Variants in NRG2 observed in about 807,000 individuals in gnomAD.
The protein encoded by NRG2 is neuregulin 2, also known as pro-neuregulin-2, membrane-bound isoform.
In NRG2, 27 loss-of-function variants were observed where a neutral mutation model predicts 73.9. The ratio of observed to expected loss-of-function variants is 0.37; its 90% CI spans 0.27 to 0.50. The LOEUF (loss-of-function observed/expected upper bound fraction) is 0.50. Among genes scored for constraint, NRG2 ranks in the 20% least tolerant of loss-of-function variants. NRG2 has a pLI of 0.96. For missense variants in NRG2, 1,126 were observed against 1,210.1 expected, an observed-to-expected ratio of 0.93 and a Z score of 1.03; for synonymous variants, 532 against 541.0, an observed-to-expected ratio of 0.98 and a Z score of 0.23.
chr5:139,924,980 G>C (rs967210026), intron 1 of NRG2, among the ~76,000 whole-genome samples: 1 of 152,162 alleles, frequency 6.6e-6, no homozygotes, highest in African/African-American at 2.4e-5. Flanking sequence ...TTGCTGCCAA[G>C]GGCCGGCCCG....
At chr5:140,024,475 T>TA (rs1477770871) in intron 1 of NRG2, among the ~76,000 whole-genome samples, 6 of 152,198 alleles carry the variant, frequency 3.9e-5, no homozygotes, top group Non-Finnish European at 8.8e-5. Context: ...CAGGATGGTC[T>TA]CGATCTCCTG....
intron 1 of NRG2, among the ~76,000 whole-genome samples, chr5:139,896,544 A>G: frequency 6.6e-6 from 1 of 152,230 alleles, no homozygotes; most frequent in Admixed American, 6.5e-5. Flanking sequence ...AACTCACCCC[A>G]GAATGAACAC....
intron 1 of NRG2, among the ~76,000 whole-genome samples, chr5:139,943,825 G>A (rs899165121): frequency 3.3e-5 from 5 of 152,196 alleles, no homozygotes; most frequent in African/African-American, 1.2e-4. Context: ...CACTGCAGCA[G>A]TGCAGTGAGG....
At position 139,853,056 on chromosome 5, in the gene NRG2, GCATTCCCCCCACTCGC is replaced by G. The variant is rs774740432; in HGVS notation, c.1293-45_1293-30del. On this transcript the variant is annotated intron_variant, in intron 6 of 9. Transcript: ENST00000361474. This position sits in a 1 kb window ranked among gnomAD's most constrained non-coding sequence, Gnocchi z 4.1. ...CACAAGGGAAGGGAAGGTGAGGCTG[GCATTCCCCCCACTCGC>G]CAACGATGAACTTCCCTAGCTATCT... The G allele has an allele frequency of 1.5e-5, 24 of 1,611,772 alleles. No homozygotes were observed. The Admixed American group carries it at 4.0e-4, about 27-fold the overall frequency.
intron 6 of NRG2, among the ~76,000 whole-genome samples, chr5:139,854,111 TG>T (rs2127007427): frequency 6.6e-6 from 1 of 152,364 alleles, no homozygotes; most frequent in East Asian, 1.9e-4. Context: ...ACCCCTTTAT[TG>T]GGCCTTAGTG....
chr5:139,973,963 G>A (rs944680868), intron 1 of NRG2, among the ~76,000 whole-genome samples: 3 of 152,036 alleles, frequency 2.0e-5, no homozygotes, highest in Admixed American at 1.3e-4. Context: ...TTTTGTTGCT[G>A]GGTAGTGAGA....
intron 1 of NRG2, among the ~76,000 whole-genome samples, chr5:139,895,303 T>G (rs780105181): frequency 1.3e-5 from 2 of 152,242 alleles, no homozygotes; most frequent in Non-Finnish European, 2.9e-5. Flanking sequence ...CACGCCGCAG[T>G]GCTCCACCCA....
At chr5:139,909,773 A>G (rs973280786) in intron 1 of NRG2, among the ~76,000 whole-genome samples, 2 of 152,190 alleles carry the variant, frequency 1.3e-5, no homozygotes. Context: ...CATTCCCCAC[A>G]TGACTCTAGG....
chr5:139,939,487 C>A (rs1166124206), intron 1 of NRG2, among the ~76,000 whole-genome samples: 1 of 152,032 alleles, frequency 6.6e-6, no homozygotes, highest in African/African-American at 2.4e-5. Flanking sequence ...GTTGCCCAGG[C>A]TGGTCTTGAA....
intron 1 of NRG2, among the ~76,000 whole-genome samples, chr5:139,923,905 C>T (rs1205259454): frequency 6.6e-6 from 1 of 152,192 alleles, no homozygotes; most frequent in African/African-American, 2.4e-5. Flanking sequence ...GTTGATGCTG[C>T]AAACAGCAGT....
Position 139,887,252 on chromosome 5 carries a change from G to A in NRG2, c.872+88C>T. The A allele has an allele frequency of 6.7e-7, 1 of 1,490,088 alleles. No homozygotes were observed. Among genetic ancestry groups the A allele is most frequent in the Non-Finnish European group, 9.2e-7 (1 of 1,083,058 alleles). 92.3% of individuals were successfully genotyped at this position (1,490,088 alleles called of 1,614,324 possible). A position where few individuals can be genotyped will look rare whatever the true frequency, so the allele number is the denominator to read the frequency against. On this transcript the variant is annotated intron_variant, in intron 2 of 9. Coordinates refer to ENST00000361474, the MANE Select transcript of NRG2 (RefSeq NM_004883.3). This position sits in a 1 kb window ranked among gnomAD's most constrained non-coding sequence, Gnocchi z 4.5. ...TTCCATGGGTGAGTCTGGGGGCACA[G>A]CCCTGGCCTCTGCCCAGTTCAGGCC...
intron 1 of NRG2, among the ~76,000 whole-genome samples, chr5:139,917,308 G>A (rs994729940): frequency 2.0e-5 from 3 of 152,168 alleles, no homozygotes; most frequent in Admixed American, 2.0e-4. Context: ...CTGGAGCACA[G>A]TGGTGTGATC....
chr5:140,042,309 C>T (rs900223918), intron 1 of NRG2, 61 bp downstream of exon 1: 15 of 1,363,378 alleles, frequency 1.1e-5, no homozygotes, highest in Non-Finnish European at 1.5e-5. Context: ...CCCGCCCCAC[C>T]CCCATTCTCC....
chr5:139,899,040 G>A (rs774513293), intron 1 of NRG2, among the ~76,000 whole-genome samples: 2 of 152,190 alleles, frequency 1.3e-5, no homozygotes, highest in African/African-American at 2.4e-5. Context: ...GCCATCTCTT[G>A]CCAGGGTCAG....
intron 1 of NRG2, among the ~76,000 whole-genome samples, chr5:140,040,735 A>G (rs1351187472): frequency 6.6e-6 from 1 of 152,200 alleles, no homozygotes; most frequent in Admixed American, 6.5e-5. Flanking sequence ...CAGCTCCCCA[A>G]GGCATCTCAG....
chr5:139,852,314 T>C lies in NRG2; in HGVS notation c.1544+118A>G. On this transcript the variant is annotated intron_variant, in intron 8 of 9. Coordinates refer to ENST00000361474, the MANE Select transcript of NRG2 (RefSeq NM_004883.3). This position sits in a 1 kb window ranked among gnomAD's most constrained non-coding sequence, Gnocchi z 4.4. ...AGAGGAGGCTAAGGTGTGCTGTGAT[T>C]CCTGTGGCAAGCTCAGGGGAGGGTA... 7.7e-7 allele frequency: 1 copy of C among 1,297,494 alleles called. No homozygotes were observed. Among genetic ancestry groups the C allele is most frequent in the Non-Finnish European group, 1.1e-6 (1 of 944,460 alleles). The allele number at this position is 1,297,494 out of a possible 1,614,324, so 80.4% of individuals were successfully genotyped here.
chr5:139,856,041 C>T lies in NRG2; in HGVS notation c.1190-263G>A. ...TCCCCTCCCCAAGCCCCATGCCTGCCCAGAGCACATGAGTGGAAAATGCAG... is the reference window on the plus strand; with the variant it reads ...TCCCCTCCCCAAGCCCCATGCCTGCTCAGAGCACATGAGTGGAAAATGCAG... On this transcript the variant is annotated intron_variant, in intron 5 of 9. Coordinates refer to ENST00000361474, the MANE Select transcript of NRG2 (RefSeq NM_004883.3). This position sits in a 1 kb window ranked among gnomAD's most constrained non-coding sequence, Gnocchi z 4.2. The T allele has an allele frequency of 2.0e-6, 1 of 504,392 alleles. No individual in the cohort carries two copies. The highest frequency in any genetic ancestry group is 3.3e-5 in the East Asian group (1 of 30,418). 31.2% of individuals were successfully genotyped at this position (504,392 alleles called of 1,614,324 possible).
chr5:139,855,995 C>T (rs1761784441), intron 5 of NRG2, among the ~76,000 whole-genome samples: 1 of 152,208 alleles, frequency 6.6e-6, no homozygotes, highest in African/African-American at 2.4e-5. Flanking sequence ...TGGATCTGGT[C>T]ACACACAACT....
intron 1 of NRG2, among the ~76,000 whole-genome samples, chr5:140,010,668 C>T (rs892001639): frequency 8.6e-5 from 13 of 152,040 alleles, no homozygotes; most frequent in African/African-American, 2.9e-4. Context: ...CTTTATTGTC[C>T]GTGAATAGAA....
Sources: allele counts gnomAD v4.1 joint callset (sites outside exome capture counted in the v4.1 genomes callset), GRCh38; gene constraint gnomAD v4.1.1; non-coding constraint Gnocchi (gnomAD v3.1); transcripts MANE v1.5; gene names NCBI Gene and HGNC (gene_info 2026-07-23, HGNC 2026-07-21).